EYS: variants seen among roughly 807,000 people sequenced by gnomAD.
The protein encoded by EYS is protein eyes shut homolog.
A neutral mutation model predicts 282.1 loss-of-function variants in EYS; 250 were observed. That is an observed-to-expected ratio of 0.89 (90% CI 0.80 to 0.98). The LOEUF (loss-of-function observed/expected upper bound fraction) is 0.98, where lower values mean the gene tolerates loss of function less well. EYS is among the 50% of genes least tolerant of loss of function. The pLI, the probability that EYS is intolerant of heterozygous loss-of-function variation, is 0.00. For synonymous variants in EYS, 1,355 were observed against 1,282.9 expected (o/e 1.06, Z -1.20); for missense variants, 4,016 against 3,709.0 (o/e 1.08, Z -2.15).
intron 2 of EYS, among the ~76,000 whole-genome samples, chr6:65,625,826 G>A (rs1317062313): frequency 6.6e-6 from 1 of 152,152 alleles, no homozygotes; most frequent in Non-Finnish European, 1.5e-5. Flanking sequence ...TCAAGAAAAG[G>A]TTCTTAATGT....
intron 33 of EYS, among the ~76,000 whole-genome samples, chr6:64,012,591 G>A (rs1405408008): frequency 6.6e-6 from 1 of 152,174 alleles, no homozygotes; most frequent in Non-Finnish European, 1.5e-5. Flanking sequence ...GGCAGTATGG[G>A]TGAAACTGTC....
chr6:64,337,085 A>G (rs1770880533), intron 29 of EYS, among the ~76,000 whole-genome samples: 1 of 152,052 alleles, frequency 6.6e-6, no homozygotes, highest in Admixed American at 6.6e-5. Flanking sequence ...ACAAGAACAA[A>G]CCAAATCCAA....
chr6:64,880,499 C>T (rs1766879625), intron 19 of EYS, among the ~76,000 whole-genome samples: 1 of 151,544 alleles, frequency 6.6e-6, no homozygotes, highest in Non-Finnish European at 1.5e-5. Context: ...CTTGATCTCT[C>T]TCTACCTCTC....
In EYS at chr6:65,193,130, G is replaced by A. The variant is rs541949078; in HGVS notation, c.2023+102733C>T. Among the ~76,000 whole-genome samples the A allele has an allele frequency of 5.3e-5, 8 of 151,698 alleles. No individual in the cohort carries two copies. In the South Asian group the frequency reaches 1.0e-3, roughly 20 times the overall value. On this transcript the variant is annotated intron_variant, in intron 12 of 42. Coordinates refer to ENST00000503581, the MANE Select transcript of EYS (RefSeq NM_001142800.2). The stretch of plus-strand genomic sequence containing the variant: ...GGAGCTAAGGAATTGATCTCATGGG[G>A]GTAGGAAGTAGAATAAATCCTTAAC...
intron 12 of EYS, among the ~76,000 whole-genome samples, chr6:65,150,027 G>C (rs1275109080): frequency 6.6e-6 from 1 of 151,942 alleles, no homozygotes; most frequent in Non-Finnish European, 1.5e-5. Flanking sequence ...GATCTCAGGA[G>C]AACTCACTAT....
At chr6:64,630,960 T>C (rs1005657914) in intron 22 of EYS, among the ~76,000 whole-genome samples, 2 of 152,224 alleles carry the variant, frequency 1.3e-5, no homozygotes, top group Admixed American at 1.3e-4. Context: ...ATTCACTTTA[T>C]AAGCATTTTA....
At position 63,981,577 on chromosome 6, in the gene EYS, A is replaced by G. The variant is rs576019189; in HGVS notation, c.7055+2806T>C. ...TTCATAAGATGTGAAGAAGTGTTAT[A>G]CTTAATGATACACAACTGGTACATC... On this transcript the variant is annotated intron_variant, in intron 35 of 42. Coordinates refer to ENST00000503581, the MANE Select transcript of EYS (RefSeq NM_001142800.2). 7.9e-5 allele frequency among the ~76,000 whole-genome samples: 12 copies of G among 151,982 alleles called. No individual in the cohort carries two copies. The South Asian group carries it at 1.0e-3, about 13-fold the overall frequency.
chr6:64,101,778 A>G (rs537645154), intron 31 of EYS, among the ~76,000 whole-genome samples: 51 of 152,138 alleles, frequency 3.4e-4, no homozygotes, highest in Middle Eastern at 3.4e-3. Context: ...TTATTATTAC[A>G]TTGTGATGTA....
At chr6:65,088,845 G>T (rs1400615645) in intron 12 of EYS, among the ~76,000 whole-genome samples, 2 of 152,090 alleles carry the variant, frequency 1.3e-5, no homozygotes, top group African/African-American at 4.8e-5. Flanking sequence ...CCTTCTTTAT[G>T]CAGCCTCCTG....
rs550511090 is a variant in EYS, at chr6:65,414,754, C to T, written c.863-9387G>A. 1.2e-4 allele frequency among the ~76,000 whole-genome samples: 18 copies of T among 151,882 alleles called. 1 individual carries two copies. Among genetic ancestry groups the T allele is most frequent in the East Asian group, 3.9e-4 (2 of 5,160 alleles). ...GTTAATTAGAGTGATCTGCAGTTTC[C>T]GGGGTGAGGTCATAAGTGAAGATAA... On this transcript the variant is annotated intron_variant, in intron 5 of 42. Transcript: ENST00000503581.
intron 31 of EYS, among the ~76,000 whole-genome samples, chr6:64,089,998 T>C (rs535574691): frequency 6.6e-6 from 1 of 152,260 alleles, no homozygotes; most frequent in South Asian, 2.1e-4. Flanking sequence ...CAGTTGATCA[T>C]CATGATTTGC....
intron 12 of EYS, among the ~76,000 whole-genome samples, chr6:65,099,599 C>G (rs1461385976): frequency 6.7e-6 from 1 of 150,256 alleles, no homozygotes; most frequent in Non-Finnish European, 1.5e-5. Context: ...AATTTTGACT[C>G]AAAACAGTAG....
chr6:64,771,728 G>A (rs1310638282), intron 22 of EYS, among the ~76,000 whole-genome samples: 2 of 151,740 alleles, frequency 1.3e-5, no homozygotes, highest in Non-Finnish European at 1.5e-5. Flanking sequence ...TGGTCTAAAA[G>A]ACTTCTGCCT....
At chr6:65,335,488 T>C (rs1333283561) in intron 10 of EYS, among the ~76,000 whole-genome samples, 2 of 151,748 alleles carry the variant, frequency 1.3e-5, no homozygotes, top group Non-Finnish European at 2.9e-5. Flanking sequence ...TGATAAGCAA[T>C]TGTAGGCCTC....
rs536984120 is a variant in EYS, at chr6:65,516,796, A to T, written c.-332-20803T>A. Among the ~76,000 whole-genome samples the T allele has an allele frequency of 3.3e-5, 5 of 152,146 alleles. No individual in the cohort carries two copies. The South Asian group carries it at 1.0e-3, about 32-fold the overall frequency. Reference sequence around the variant, plus strand: ...AATTCTCTAAAAATTATCCTCAAAAAATTTTTCTCAAAGAGAATACAATGC... The same window carrying T: ...AATTCTCTAAAAATTATCCTCAAAATATTTTTCTCAAAGAGAATACAATGC... On this transcript the variant is annotated intron_variant, in intron 2 of 42. Transcript: ENST00000503581.
rs1774561951 is a variant in EYS, at chr6:65,091,449, C to CTAGAAATAAATA, written c.2024-33723_2024-33722insTATTTATTTCTA. On this transcript the variant is annotated intron_variant, in intron 12 of 42. Transcript: ENST00000503581. ...TGGGTGAGAGAGCGAGACTACATCT[C>CTAGAAATAAATA]AAGAAATAAATAAATAAATAAATAA... 4.7e-5 allele frequency among the ~76,000 whole-genome samples: 4 copies of CTAGAAATAAATA among 85,872 alleles called. 1 individual carries two copies. In the South Asian group the frequency reaches 1.5e-3, roughly 33 times the overall value. 56.3% of individuals were successfully genotyped at this position (85,872 alleles called of 152,430 possible).
chr6:65,178,767 A>AGCACC (rs1320577853), intron 12 of EYS, among the ~76,000 whole-genome samples: 6 of 152,154 alleles, frequency 3.9e-5, no homozygotes, highest in African/African-American at 1.4e-4. Flanking sequence ...CATTCTTCTC[A>AGCACC]GCACCACACC....
chr6:64,771,969 CT>C (rs1773536621), intron 22 of EYS, among the ~76,000 whole-genome samples: 1 of 151,612 alleles, frequency 6.6e-6, no homozygotes, highest in South Asian at 2.1e-4. Flanking sequence ...TTTTTCATCT[CT>C]CGTGTAAATA....
intron 1 of EYS, among the ~76,000 whole-genome samples, chr6:65,693,361 A>G (rs765810429): frequency 6.7e-6 from 1 of 148,394 alleles, no homozygotes; most frequent in Non-Finnish European, 1.5e-5. Flanking sequence ...GAGCTCTGAT[A>G]GAGACACAGC....
Sources: gnomAD v4.1 joint callset for allele counts (sites outside exome capture counted in the v4.1 genomes callset) on GRCh38, gnomAD v4.1.1 for gene constraint, MANE v1.5 for transcripts, NCBI Gene and HGNC (gene_info 2026-07-23, HGNC 2026-07-21) for gene names.